SDK1: variants seen among roughly 807,000 people sequenced by gnomAD.
SDK1 encodes the protein sidekick cell adhesion molecule 1, also known as protein sidekick-1.
In SDK1, 157 loss-of-function variants were observed where a neutral mutation model predicts 245.5. The observed-to-expected ratio is 0.64, with a 90% confidence interval of 0.56 to 0.73. SDK1 has a LOEUF of 0.73. Ranked by LOEUF, SDK1 falls within the 30% of genes least tolerant of loss-of-function variation. The pLI is 0.00. For synonymous variants in SDK1, 1,647 were observed against 1,278.5 expected (o/e 1.29, Z -6.15); for missense variants, 3,583 against 3,002.3 (o/e 1.19, Z -4.52).
At chr7:3,890,787 C>T (rs1188105617) in intron 5 of SDK1, among the ~76,000 whole-genome samples, 2 of 152,080 alleles carry the variant, frequency 1.3e-5, no homozygotes, top group Non-Finnish European at 2.9e-5. Context: ...ACTAAAAATA[C>T]AAAAATTAGC....
At chr7:3,917,093 A>G (rs1779410813) in intron 5 of SDK1, among the ~76,000 whole-genome samples, 1 of 152,246 alleles carries the variant, frequency 6.6e-6, no homozygotes, top group African/African-American at 2.4e-5. Flanking sequence ...TTTTCTATCA[A>G]ATGAATCCTG....
chr7:3,533,106 C>T (rs1348393754), intron 1 of SDK1, among the ~76,000 whole-genome samples: 2 of 152,158 alleles, frequency 1.3e-5, no homozygotes, highest in Non-Finnish European at 2.9e-5. Context: ...GCACTGTAGC[C>T]AACCTAAACC....
intron 5 of SDK1, among the ~76,000 whole-genome samples, chr7:3,831,929 T>C (rs1779921801): frequency 6.6e-6 from 1 of 151,882 alleles, no homozygotes; most frequent in African/African-American, 2.4e-5. Context: ...TGCATACCTG[T>C]GGCCCCAGCT....
chr7:4,041,942 T>C (rs1400705599), intron 17 of SDK1, among the ~76,000 whole-genome samples: 1 of 134,708 alleles, frequency 7.4e-6, no homozygotes, highest in Non-Finnish European at 1.5e-5. Context: ...TCCTCCTGAG[T>C]AGCTGGGACT....
intron 1 of SDK1, among the ~76,000 whole-genome samples, chr7:3,550,864 T>G (rs1779380642): frequency 6.6e-6 from 1 of 152,222 alleles, no homozygotes; most frequent in Admixed American, 6.5e-5. Context: ...ATTAGGGTTT[T>G]GTAATTTTTA....
At chr7:3,829,540 G>A (rs1166604018) in intron 5 of SDK1, among the ~76,000 whole-genome samples, 3 of 152,264 alleles carry the variant, frequency 2.0e-5, no homozygotes, top group South Asian at 2.1e-4. Flanking sequence ...GAAGTTTGAG[G>A]ATTCAAGCCA....
At chr7:4,130,502 G>C (rs1784734975) in intron 27 of SDK1, 2 of 188,388 alleles carry the variant, frequency 1.1e-5, no homozygotes, top group Admixed American at 1.1e-4. Flanking sequence ...GCAGATAAAA[G>C]GAGACTACTA....
At chr7:3,972,829 A>C (rs1476952718) in intron 12 of SDK1, among the ~76,000 whole-genome samples, 1 of 152,214 alleles carries the variant, frequency 6.6e-6, no homozygotes, top group African/African-American at 2.4e-5. Context: ...CCCAGGGCTC[A>C]GAATCCAAAT....
Position 4,267,166 on chromosome 7 carries a change from T to G in SDK1, c.*1782T>G. 2 of 984,166 alleles carry G rather than the reference T, an allele frequency of 2.0e-6. No individual in the cohort carries two copies. Among genetic ancestry groups the G allele is most frequent in the Non-Finnish European group, 2.4e-6 (2 of 828,968 alleles). The allele number at this position is 984,166 out of a possible 1,614,324, so 61.0% of individuals were successfully genotyped here. On this transcript the variant is annotated 3_prime_UTR_variant, in exon 45 of 45. Coordinates refer to ENST00000404826, the MANE Select transcript of SDK1 (RefSeq NM_152744.4). ...AATTAGAGGGTATGGCAAGTTTCCT[T>G]TTTTCTCTCCTCCCTTCCTTCCCCT... is the stretch of plus-strand genomic sequence containing the variant.
At chr7:3,764,844 GCTGT>G (rs1279965227) in intron 4 of SDK1, among the ~76,000 whole-genome samples, 1 of 151,974 alleles carries the variant, frequency 6.6e-6, no homozygotes, top group African/African-American at 2.4e-5. Flanking sequence ...GGAAAATCCA[GCTGT>G]CTTTTATTAA....
intron 4 of SDK1, among the ~76,000 whole-genome samples, chr7:3,803,277 C>T (rs1779150985): frequency 6.6e-6 from 1 of 151,152 alleles, no homozygotes; most frequent in Non-Finnish European, 1.5e-5. Flanking sequence ...TGTACTCTGC[C>T]CATTTTCTTT....
In SDK1 at chr7:4,245,625, G is replaced by A. The variant is rs755345694; in HGVS notation, c.6252-51G>A. 3 of 1,597,790 alleles carry A rather than the reference G, an allele frequency of 1.9e-6. No individual in the cohort carries two copies. In the East Asian group the frequency reaches 6.7e-5, roughly 36 times the overall value. On this transcript the variant is annotated intron_variant, in intron 43 of 44. Transcript: ENST00000404826. ...AATGCCAGGTTAGGAGTCCTCCGGG[G>A]AAGGGCGTCTTTTGCCCAGAGGGTA...
In SDK1 at chr7:3,372,897, T is replaced by C. The variant is rs569085437; in HGVS notation, c.298+71013T>C. On this transcript the variant is annotated intron_variant, in intron 1 of 44. Transcript: ENST00000404826. ...GAAACTTGCTTCAGTCTGTTTCTTA[T>C]ATTCCCAATTTTAAAATACTTTATA... 1.6e-3 allele frequency among the ~76,000 whole-genome samples: 248 copies of C among 152,334 alleles called. 1 individual carries two copies. The highest frequency in any genetic ancestry group is 2.9e-3 in the Non-Finnish European group (197 of 68,030).
At chr7:3,810,968 C>T (rs1020062045) in intron 4 of SDK1, among the ~76,000 whole-genome samples, 6 of 152,056 alleles carry the variant, frequency 3.9e-5, no homozygotes, top group Non-Finnish European at 8.8e-5. Context: ...ATTCAGTGAC[C>T]GAGCTGTGTT....
intron 4 of SDK1, among the ~76,000 whole-genome samples, chr7:3,705,610 C>T (rs1784865243): frequency 6.6e-6 from 1 of 151,916 alleles, no homozygotes; most frequent in East Asian, 1.9e-4. Context: ...TTTTTGTGAA[C>T]TGAAACTTTA....
intron 1 of SDK1, among the ~76,000 whole-genome samples, chr7:3,534,749 A>G (rs1218851266): frequency 6.6e-6 from 1 of 152,202 alleles, no homozygotes; most frequent in Non-Finnish European, 1.5e-5. Context: ...AAGGTTTTCC[A>G]TTTAATGAAA....
chr7:3,811,523 C>G (rs1336377661), intron 4 of SDK1, among the ~76,000 whole-genome samples: 2 of 152,216 alleles, frequency 1.3e-5, no homozygotes, highest in African/African-American at 4.8e-5. Flanking sequence ...GCTCTGAGCT[C>G]ACATCTTCTT....
At chr7:3,600,407 A>G (rs956747126) in intron 1 of SDK1, among the ~76,000 whole-genome samples, 8 of 152,038 alleles carry the variant, frequency 5.3e-5, no homozygotes, top group Non-Finnish European at 5.9e-5. Flanking sequence ...CAGTATGTAC[A>G]TCTTTTATTT....
At chr7:3,441,973 C>T (rs1000285797) in intron 1 of SDK1, among the ~76,000 whole-genome samples, 2 of 152,120 alleles carry the variant, frequency 1.3e-5, no homozygotes, top group Non-Finnish European at 2.9e-5. Flanking sequence ...GGTATGAATA[C>T]GGGATGCCTT....
Sources: gnomAD v4.1 joint callset for allele counts (sites outside exome capture counted in the v4.1 genomes callset) on GRCh38, gnomAD v4.1.1 for gene constraint, MANE v1.5 for transcripts, NCBI Gene and HGNC (gene_info 2026-07-23, HGNC 2026-07-21) for gene names.